Variants in MAGT1 observed in about 807,000 individuals in gnomAD.
MAGT1 encodes magnesium transporter 1, also known as dolichyl-diphosphooligosaccharide--protein glycosyltransferase subunit MAGT1.
MAGT1 carries 4 observed loss-of-function variants against 28.4 expected under a neutral mutation model. That is an observed-to-expected ratio of 0.14 (90% CI 0.07 to 0.32). MAGT1 has a LOEUF of 0.32. MAGT1 is among the 10% of genes least tolerant of loss of function. MAGT1 has a pLI of 1.00. For synonymous variants in MAGT1, 89 were observed against 89.7 expected (o/e 0.99, Z 0.04); for missense variants, 193 against 264.5 (o/e 0.73, Z 1.88).
intron 2 of MAGT1, among the ~76,000 whole-genome samples, 156 bp from the exon 3 acceptor site, chrX:77,871,081 G>A (rs1278978371): frequency 2.7e-5 from 3 of 112,449 alleles, no homozygotes; most frequent in African/African-American, 9.7e-5. Flanking sequence ...TCTGCTGACA[G>A]GGTTAAGACA....
At chrX:77,854,167 A>T (rs1428368813) in intron 6 of MAGT1, among the ~76,000 whole-genome samples, 2 of 111,567 alleles carry the variant, frequency 1.8e-5, no homozygotes, top group East Asian at 5.6e-4. Context: ...TTGTCTTTTC[A>T]TTGTACTAAT....
chrX:77,851,696 T>C (rs1958780079), intron 7 of MAGT1, among the ~76,000 whole-genome samples: 1 of 109,771 alleles, frequency 9.1e-6, no homozygotes, highest in African/African-American at 3.3e-5. Flanking sequence ...TTTGTATTTT[T>C]GGTAGAGACA....
Position 77,895,304 on chromosome X carries a change from C to T in MAGT1, c.102+5G>A. On this transcript the variant is annotated splice_donor_5th_base_variant and intron_variant, in intron 1 of 9. Transcript: ENST00000618282. ...AGCCCATGCTGCTGGAAACCGCGTT[C>T]TCACCTCCTTCTTTCTTTGGGCAGA... The T allele has an allele frequency of 3.3e-6, 4 of 1,211,974 alleles. No individual in the cohort carries two copies. The highest frequency in any genetic ancestry group is 4.5e-6 in the Non-Finnish European group (4 of 895,378).
intron 3 of MAGT1, among the ~76,000 whole-genome samples, chrX:77,869,816 A>G (rs1342707379): frequency 8.9e-6 from 1 of 112,103 alleles, no homozygotes; most frequent in African/African-American, 3.2e-5. Context: ...GTAAACTAGT[A>G]CAACCACTAT....
chrX:77,876,157 TA>T (rs1557217795), intron 1 of MAGT1, among the ~76,000 whole-genome samples: 10 of 31,859 alleles, frequency 3.1e-4, no homozygotes, highest in African/African-American at 1.1e-3. Context: ...TATATATATA[TA>T]TATATATTTT....
At chrX:77,870,380 C>T (rs782038576) in intron 3 of MAGT1, among the ~76,000 whole-genome samples, 3 of 110,099 alleles carry the variant, frequency 2.7e-5, no homozygotes, top group Non-Finnish European at 5.7e-5. Context: ...CCAAAAACCA[C>T]CTGTTGCCCC....
intron 7 of MAGT1, among the ~76,000 whole-genome samples, chrX:77,851,905 G>A (rs1423124079): frequency 3.0e-5 from 3 of 100,828 alleles, no homozygotes; most frequent in Non-Finnish European, 6.0e-5. Context: ...CCGCCCCGCC[G>A]CCCGCCCCCT....
At chrX:77,892,327 T>A (rs782294148) in intron 1 of MAGT1, among the ~76,000 whole-genome samples, 13 of 112,684 alleles carry the variant, frequency 1.2e-4, no homozygotes, top group Non-Finnish European at 2.1e-4. Flanking sequence ...AACACCCATA[T>A]TTTGAAACTG....
intron 3 of MAGT1, among the ~76,000 whole-genome samples, chrX:77,860,908 G>A (rs782719715): frequency 8.9e-6 from 1 of 111,999 alleles, no homozygotes; most frequent in East Asian, 2.8e-4. Flanking sequence ...GGGTGCAGTG[G>A]CTCATGCCTG....
At position 77,827,441 on chromosome X, in the gene MAGT1, T is replaced by C. The variant is rs1557213035; in HGVS notation, c.*1779A>G. The stretch of plus-strand genomic sequence containing the variant: ...CATTCTAAGGGAGTCCTTTTCTTTC[T>C]TACTTTTTTTTTTTTTTTTGAGATG... On this transcript the variant is annotated 3_prime_UTR_variant, in exon 10 of 10. Transcript: ENST00000618282. 9.1e-6 allele frequency: 1 copy of C among 109,508 alleles called. No individual in the cohort carries two copies. Among genetic ancestry groups the C allele is most frequent in the Non-Finnish European group, 1.9e-5 (1 of 52,614 alleles). The allele number at this position is 109,508 out of a possible 1,213,427, so 9.0% of individuals were successfully genotyped here.
chrX:77,856,925 T>C (rs2076982923), intron 4 of MAGT1, 52 bp from the exon 5 acceptor site: 1 of 1,028,136 alleles, frequency 9.7e-7, no homozygotes, highest in Non-Finnish European at 1.4e-6. Flanking sequence ...TTTTACTAAT[T>C]ATATGGGTCA....
At chrX:77,878,313 G>GA (rs1482571747) in intron 1 of MAGT1, among the ~76,000 whole-genome samples, 10 of 60,087 alleles carry the variant, frequency 1.7e-4, no homozygotes, top group African/African-American at 5.0e-4. Flanking sequence ...AAAAAAAAAA[G>GA]AAAAAAAAAT....
intron 1 of MAGT1, among the ~76,000 whole-genome samples, chrX:77,876,153 TA>T: frequency 2.2e-4 from 7 of 31,955 alleles, no homozygotes; most frequent in African/African-American, 6.1e-4. Flanking sequence ...TATATATATA[TA>T]TATATATATA....
At chrX:77,873,018 A>C (rs944335618) in intron 2 of MAGT1, among the ~76,000 whole-genome samples, 5 of 111,986 alleles carry the variant, frequency 4.5e-5, no homozygotes, top group African/African-American at 1.6e-4. Context: ...AATTCCATTA[A>C]TTTGCATTTA....
intron 7 of MAGT1, among the ~76,000 whole-genome samples, chrX:77,843,903 A>G (rs1329601641): frequency 1.8e-5 from 2 of 111,357 alleles, no homozygotes; most frequent in African/African-American, 6.5e-5. Context: ...TTGGTCTAAA[A>G]TTCTCTTTTT....
chrX:77,877,624 C>A (rs957984148), intron 1 of MAGT1, among the ~76,000 whole-genome samples: 1 of 108,951 alleles, frequency 9.2e-6, no homozygotes, highest in Non-Finnish European at 1.9e-5. Flanking sequence ...AACAGCCTGG[C>A]CAACATGGTG....
At chrX:77,876,366 T>C (rs2077035131) in intron 1 of MAGT1, among the ~76,000 whole-genome samples, 1 of 107,733 alleles carries the variant, frequency 9.3e-6, no homozygotes, top group Non-Finnish European at 1.9e-5. Context: ...TGCCAAAAAT[T>C]CCAAAGAATG....
At chrX:77,894,586 T>C (rs1705223386) in intron 1 of MAGT1, among the ~76,000 whole-genome samples, 1 of 112,091 alleles carries the variant, frequency 8.9e-6, no homozygotes, top group Admixed American at 9.5e-5. Flanking sequence ...CTAGTAGTCT[T>C]AAAGTCCTAA....
At chrX:77,880,476 C>T (rs782791439) in intron 1 of MAGT1, among the ~76,000 whole-genome samples, 11 of 109,444 alleles carry the variant, frequency 1.0e-4, no homozygotes, top group Middle Eastern at 4.7e-3. Flanking sequence ...TGCAGTGAGC[C>T]GAGACCGCAC....
Sources: allele counts gnomAD v4.1 joint callset (sites outside exome capture counted in the v4.1 genomes callset), GRCh38; gene constraint gnomAD v4.1.1; transcripts MANE v1.5; gene names NCBI Gene and HGNC (gene_info 2026-07-23, HGNC 2026-07-21).